Variants in CCSER1 observed in about 807,000 individuals in gnomAD.
CCSER1 encodes the protein coiled-coil serine rich protein 1.
CCSER1 carries 41 observed loss-of-function variants against 82.0 expected under a neutral mutation model. The observed-to-expected ratio is 0.50, with a 90% CI of 0.39 to 0.65. The LOEUF is 0.65. Ranked by LOEUF, CCSER1 falls within the 30% of genes least tolerant of loss-of-function variation. The pLI is 0.00. For synonymous variants in CCSER1, 414 were observed against 383.9 expected, an observed-to-expected ratio of 1.08 and a Z score of -0.92; for missense variants, 1,119 against 1,064.2, an observed-to-expected ratio of 1.05 and a Z score of -0.72.
chr4:90,778,367 G>C (rs1442628329), intron 7 of CCSER1, among the ~76,000 whole-genome samples: 1 of 152,084 alleles, frequency 6.6e-6, no homozygotes, highest in African/African-American at 2.4e-5. Flanking sequence ...ATTTACTGGA[G>C]AAGATTAATT....
chr4:90,492,186 A>T (rs2153605542), intron 5 of CCSER1, among the ~76,000 whole-genome samples: 1 of 152,180 alleles, frequency 6.6e-6, no homozygotes, highest in South Asian at 2.1e-4. Flanking sequence ...TTATTGCCTC[A>T]ATTTCAGAGC....
At chr4:90,839,964 A>C (rs1762363969) in intron 8 of CCSER1, among the ~76,000 whole-genome samples, 1 of 152,084 alleles carries the variant, frequency 6.6e-6, no homozygotes, top group South Asian at 2.1e-4. Context: ...GATTGAAGTT[A>C]TTGTAATAAA....
At chr4:90,673,540 A>G (rs1018489524) in intron 6 of CCSER1, among the ~76,000 whole-genome samples, 10 of 152,022 alleles carry the variant, frequency 6.6e-5, no homozygotes, top group South Asian at 2.1e-4. Flanking sequence ...CCTGCCAGTC[A>G]CAATGAAGGG....
rs78976151 is a variant in CCSER1, at chr4:91,602,848, C to T, written c.*3791C>T. ...ATTGATAATATTAGCTCAAATGTAG[C>T]ACCCATTCATTTATACCAGGATTTT... On this transcript the variant is annotated 3_prime_UTR_variant, in exon 11 of 11. Coordinates refer to ENST00000509176, the MANE Select transcript of CCSER1 (RefSeq NM_001145065.2). Among the ~76,000 whole-genome samples, 15,163 of 151,988 alleles carry T rather than the reference C, an allele frequency of 0.1. 944 individuals carry two copies. The highest frequency in any genetic ancestry group is 0.15 in the East Asian group (763 of 5,168).
rs569820192 is a variant in CCSER1 at position 91,393,798 on chromosome 4, A to G, written c.2218-204774A>G. ...TTTTTTAAGAGCCCTAAAGGGAAGT[A>G]TGCTTTCGTGTTAGTCATTCCTGTG... On this transcript the variant is annotated intron_variant, in intron 10 of 10. Transcript: ENST00000509176. Among the ~76,000 whole-genome samples, 7 of 152,202 alleles carry G rather than the reference A, an allele frequency of 4.6e-5. No individual in the cohort carries two copies. The East Asian group carries it at 7.7e-4, about 17-fold the overall frequency.
chr4:91,357,772 C>A (rs1332153129), intron 10 of CCSER1, among the ~76,000 whole-genome samples: 1 of 148,558 alleles, frequency 6.7e-6, no homozygotes, highest in Non-Finnish European at 1.5e-5. Context: ...CATGTCTCAA[C>A]TTTCTGACTT....
intron 10 of CCSER1, among the ~76,000 whole-genome samples, chr4:91,137,469 C>T: frequency 2.9e-5 from 2 of 69,084 alleles, no homozygotes; most frequent in African/African-American, 1.1e-4. Flanking sequence ...CCGCAATAAA[C>T]ATACGTGTGC....
intron 6 of CCSER1, among the ~76,000 whole-genome samples, chr4:90,643,683 A>G (rs563778796): frequency 6.6e-6 from 1 of 152,334 alleles, no homozygotes; most frequent in Non-Finnish European, 1.5e-5. Context: ...TAGTGAAACA[A>G]AGAAACTGGA....
chr4:91,345,160 G>A (rs1560601702), intron 10 of CCSER1, among the ~76,000 whole-genome samples: 1 of 152,154 alleles, frequency 6.6e-6, no homozygotes, highest in Admixed American at 6.5e-5. Context: ...GGAGGCCAAG[G>A]TGTGCAGATC....
chr4:90,364,308 C>T (rs1463561757), intron 3 of CCSER1, among the ~76,000 whole-genome samples: 3 of 151,976 alleles, frequency 2.0e-5, no homozygotes, highest in East Asian at 1.9e-4. Flanking sequence ...ACATTTTTCC[C>T]ACTAACTGAA....
intron 9 of CCSER1, among the ~76,000 whole-genome samples, chr4:91,043,875 A>G (rs1742206403): frequency 6.6e-6 from 1 of 152,164 alleles, no homozygotes; most frequent in African/African-American, 2.4e-5. Context: ...GTCGTGAGCA[A>G]CCACGCCTGG....
intron 10 of CCSER1, among the ~76,000 whole-genome samples, chr4:91,212,046 A>C (rs1037304872): frequency 1.3e-5 from 2 of 152,106 alleles, no homozygotes; most frequent in Non-Finnish European, 2.9e-5. Context: ...ATGAAAAAAC[A>C]GTAAAAATTT....
chr4:91,077,622 T>A (rs1238886247), intron 9 of CCSER1, among the ~76,000 whole-genome samples: 1 of 152,052 alleles, frequency 6.6e-6, no homozygotes, highest in African/African-American at 2.4e-5. Context: ...GACAAATGGG[T>A]GCAGCCCACA....
At chr4:91,076,333 T>C (rs926583365) in intron 9 of CCSER1, among the ~76,000 whole-genome samples, 1 of 19,062 alleles carries the variant, frequency 5.2e-5, no homozygotes, top group Non-Finnish European at 9.3e-5. Context: ...ACCATGCAGT[T>C]TTTTTTTTTT....
intron 5 of CCSER1, among the ~76,000 whole-genome samples, chr4:90,554,791 G>T (rs28648820): frequency 6.6e-6 from 1 of 152,092 alleles, no homozygotes; most frequent in East Asian, 1.9e-4. Flanking sequence ...ATCATACCTC[G>T]TTTTTAAGGG....
intron 4 of CCSER1, among the ~76,000 whole-genome samples, chr4:90,414,495 A>T (rs771765975): frequency 6.6e-6 from 1 of 152,100 alleles, no homozygotes; most frequent in Non-Finnish European, 1.5e-5. Context: ...AGCATATATG[A>T]TCAAGCACAG....
chr4:90,868,032 C>G (rs1580846435), intron 8 of CCSER1, among the ~76,000 whole-genome samples: 1 of 151,916 alleles, frequency 6.6e-6, no homozygotes, highest in Admixed American at 6.6e-5. Context: ...CTTCAATACA[C>G]TTATTTTCTT....
intron 10 of CCSER1, among the ~76,000 whole-genome samples, chr4:91,592,224 T>C (rs192638992): frequency 7.9e-5 from 12 of 152,308 alleles, no homozygotes; most frequent in East Asian, 7.7e-4. Context: ...CTTCATATGA[T>C]GGCAGGAAGA....
chr4:91,038,302 C>T (rs73834740), intron 9 of CCSER1, among the ~76,000 whole-genome samples: 3,049 of 151,262 alleles, frequency 0.02, 89 homozygotes, highest in African/African-American at 0.068. Flanking sequence ...TAATTTGAAT[C>T]CTCTATAAAT....
Sources: allele counts gnomAD v4.1 joint callset (sites outside exome capture counted in the v4.1 genomes callset), GRCh38; gene constraint gnomAD v4.1.1; transcripts MANE v1.5; gene names NCBI Gene and HGNC (gene_info 2026-07-23, HGNC 2026-07-21).